The following MEOX2 variants were observed in gnomAD, a reference collection of about 807,000 sequenced individuals.
The protein encoded by MEOX2 is mesenchyme homeobox 2, also known as homeobox protein MOX-2.
A neutral mutation model predicts 27.0 loss-of-function variants in MEOX2; 11 were observed. The ratio of observed to expected loss-of-function variants is 0.41; its 90% CI spans 0.26 to 0.68. The LOEUF (loss-of-function observed/expected upper bound fraction) is 0.68. MEOX2 is among the 30% of genes least tolerant of loss of function. The pLI is 0.33. For synonymous variants in MEOX2, 189 were observed against 155.4 expected, an observed-to-expected ratio of 1.22 and a Z score of -1.61; for missense variants, 436 against 385.4, an observed-to-expected ratio of 1.13 and a Z score of -1.10.
chr7:15,660,206 A>G (rs1385926128), intron 1 of MEOX2, among the ~76,000 whole-genome samples: 1 of 152,188 alleles, frequency 6.6e-6, no homozygotes, highest in Non-Finnish European at 1.5e-5. Context: ...TAGAAACACA[A>G]AAGAGCACAG....
At chr7:15,654,367 C>CT (rs979892264) in intron 1 of MEOX2, among the ~76,000 whole-genome samples, 3 of 151,588 alleles carry the variant, frequency 2.0e-5, no homozygotes, top group South Asian at 2.1e-4. Context: ...TAAGAACAGG[C>CT]TTTTTTTTCT....
chr7:15,613,821 T>A (rs763444379), intron 2 of MEOX2, among the ~76,000 whole-genome samples: 2 of 152,104 alleles, frequency 1.3e-5, no homozygotes, highest in African/African-American at 2.4e-5. Context: ...CATTTTTCTG[T>A]TCTACCATCC....
intron 1 of MEOX2, among the ~76,000 whole-genome samples, chr7:15,641,381 G>T (rs1271038522): frequency 6.6e-6 from 1 of 151,916 alleles, no homozygotes; most frequent in African/African-American, 2.4e-5. Context: ...TTGTTTGTTT[G>T]TTTGTTTTAA....
chr7:15,646,084 G>A (rs990357358), intron 1 of MEOX2, among the ~76,000 whole-genome samples: 3 of 151,916 alleles, frequency 2.0e-5, no homozygotes, highest in Admixed American at 2.0e-4. Flanking sequence ...ATTTTGTGGT[G>A]GTAGCTATGA....
In MEOX2 at chr7:15,686,013, G is replaced by A. The variant is rs755724547; in HGVS notation, c.390C>T (p.Asn130=). 1.9e-6 allele frequency: 3 copies of A among 1,608,558 alleles called. No homozygotes were observed. The highest frequency in any genetic ancestry group is 2.2e-5 in the South Asian group (2 of 91,060). ...GGGTGCTGGAGCCCAAGCTGGAAGA[G>A]TTGGAGCACAGGACGGGCGGGCTGC... ...LGSSPPVLCS[N]SSSLGSSTPT... The change falls in exon 1 of 3, where the codon AAC becomes AAT. Residue 130 remains asparagine, a synonymous_variant. Transcript: ENST00000262041.
intron 1 of MEOX2, among the ~76,000 whole-genome samples, chr7:15,632,447 T>C (rs1781419230): frequency 6.6e-6 from 1 of 151,828 alleles, no homozygotes; most frequent in Admixed American, 6.6e-5. Context: ...TGCTTCCTCA[T>C]AGTAAGAATA....
intron 2 of MEOX2, among the ~76,000 whole-genome samples, chr7:15,623,092 C>T (rs1781245752): frequency 1.3e-5 from 2 of 152,102 alleles, no homozygotes; most frequent in African/African-American, 4.8e-5. Context: ...TATAGCAGCC[C>T]CAATAGACTA....
At chr7:15,634,084 C>T (rs1276995907) in intron 1 of MEOX2, among the ~76,000 whole-genome samples, 2 of 151,798 alleles carry the variant, frequency 1.3e-5, no homozygotes, top group Non-Finnish European at 2.9e-5. Context: ...TATCTCCAAA[C>T]ATGTTTACAT....
intron 1 of MEOX2, among the ~76,000 whole-genome samples, chr7:15,683,641 A>G (rs1223380784): frequency 6.6e-6 from 1 of 152,150 alleles, no homozygotes; most frequent in African/African-American, 2.4e-5. Context: ...ATTTAAATCT[A>G]TCTCAATATC....
At chr7:15,643,053 G>A (rs1308105328) in intron 1 of MEOX2, among the ~76,000 whole-genome samples, 1 of 152,068 alleles carries the variant, frequency 6.6e-6, no homozygotes, top group Non-Finnish European at 1.5e-5. Flanking sequence ...AATTATATTG[G>A]GTCATGCAGT....
intron 1 of MEOX2, among the ~76,000 whole-genome samples, chr7:15,649,893 G>C (rs866087506): frequency 6.6e-6 from 1 of 152,028 alleles, no homozygotes; most frequent in Non-Finnish European, 1.5e-5. Context: ...TATATTTTTG[G>C]ATAAGCAAGG....
chr7:15,665,486 AT>A (rs1781986207), intron 1 of MEOX2, among the ~76,000 whole-genome samples: 1 of 152,190 alleles, frequency 6.6e-6, no homozygotes, highest in African/African-American at 2.4e-5. Context: ...TTTACTTGTC[AT>A]TTTAGTCACT....
intron 2 of MEOX2, among the ~76,000 whole-genome samples, chr7:15,623,611 C>T (rs1215269542): frequency 6.6e-6 from 1 of 152,284 alleles, no homozygotes; most frequent in East Asian, 1.9e-4. Context: ...CTCAAGTGAC[C>T]TGCCTGCCTT....
chr7:15,631,906 ATGTG>A (rs146116757), intron 1 of MEOX2, among the ~76,000 whole-genome samples: 14 of 129,350 alleles, frequency 1.1e-4, no homozygotes, highest in Non-Finnish European at 1.3e-4. Context: ...CCAAGGTTAA[ATGTG>A]TGTGTGTGTG....
intron 1 of MEOX2, among the ~76,000 whole-genome samples, chr7:15,641,456 T>C (rs1437974429): frequency 1.3e-5 from 2 of 152,128 alleles, no homozygotes; most frequent in African/African-American, 4.8e-5. Flanking sequence ...TCTTTCCTTT[T>C]CTGTTTGCAT....
chr7:15,662,214 T>A (rs540919528), intron 1 of MEOX2, among the ~76,000 whole-genome samples: 1 of 151,968 alleles, frequency 6.6e-6, no homozygotes, highest in African/African-American at 2.4e-5. Context: ...AAGTCCATTA[T>A]CTAGAGAATT....
At chr7:15,655,683 T>G (rs1206665091) in intron 1 of MEOX2, among the ~76,000 whole-genome samples, 1 of 151,818 alleles carries the variant, frequency 6.6e-6, no homozygotes, top group East Asian at 1.9e-4. Context: ...TTGTTATTAA[T>G]TTCTAGTTTA....
chr7:15,686,286 G>A lies in MEOX2; in HGVS notation c.117C>T (p.Pro39=), dbSNP rs764979776. The A allele has an allele frequency of 1.6e-5, 25 of 1,612,094 alleles. No homozygotes were observed. The African/African-American group carries it at 2.3e-4, about 15-fold the overall frequency. ...LHGRSDHMSY[P]ELSTSSSSCI... ...AAGATGAGGAAGAAGTAGAGAGCTC[G>A]GGGTAAGACATATGGTCAGATCTTC... The change falls in exon 1 of 3, where the codon CCC becomes CCT. Residue 39 remains proline, a synonymous_variant. Coordinates refer to ENST00000262041, the MANE Select transcript of MEOX2 (RefSeq NM_005924.5).
At chr7:15,632,271 G>C (rs1781416537) in intron 1 of MEOX2, among the ~76,000 whole-genome samples, 1 of 151,724 alleles carries the variant, frequency 6.6e-6, no homozygotes, top group Non-Finnish European at 1.5e-5. Context: ...TAGGTGCATA[G>C]TACATAACTC....
Sources: allele counts gnomAD v4.1 joint callset (sites outside exome capture counted in the v4.1 genomes callset), GRCh38; gene constraint gnomAD v4.1.1; transcripts MANE v1.5; gene names NCBI Gene and HGNC (gene_info 2026-07-23, HGNC 2026-07-21).